Variants in MRO observed in about 807,000 individuals in gnomAD.
MRO encodes the protein protein maestro.
A neutral mutation model predicts 31.0 loss-of-function variants in MRO; 28 were observed. The ratio of observed to expected loss-of-function variants is 0.90; its 90% CI spans 0.67 to 1.24. The LOEUF (loss-of-function observed/expected upper bound fraction) is 1.24, where lower values mean the gene tolerates loss of function less well. Among genes scored for constraint, MRO ranks in the 50% most tolerant of loss-of-function variants. The probability of loss-of-function intolerance (pLI) is 0.00; values close to 1 mark genes in which losing one functional copy is unlikely to be tolerated. For missense variants in MRO, 332 were observed against 289.2 expected, an observed-to-expected ratio of 1.15 and a Z score of -1.07; for synonymous variants, 108 against 108.4, an observed-to-expected ratio of 1.00 and a Z score of 0.02.
At chr18:50,819,089 G>C (rs10853598) in intron 2 of MRO, among the ~76,000 whole-genome samples, 57,246 of 151,024 alleles carry the variant, frequency 0.38, 11,015 homozygotes, top group Admixed American at 0.51. Context: ...TAAAAAAATC[G>C]TCTTCATTTT....
At chr18:50,810,502 T>C (rs1914385896) in intron 2 of MRO, among the ~76,000 whole-genome samples, 1 of 152,144 alleles carries the variant, frequency 6.6e-6, no homozygotes, top group Non-Finnish European at 1.5e-5. Context: ...CAAGAAACAT[T>C]AAGAGAGATG....
chr18:50,819,438 A>G, intron 2 of MRO, 143 bp downstream of exon 2: 1 of 1,435,330 alleles, frequency 7.0e-7, no homozygotes, highest in Non-Finnish European at 9.1e-7. Context: ...TTTTACAAAG[A>G]GAACATTACC....
intron 2 of MRO, among the ~76,000 whole-genome samples, chr18:50,810,640 T>C (rs1330640457): frequency 1.3e-5 from 2 of 152,234 alleles, no homozygotes; most frequent in Admixed American, 6.5e-5. Context: ...TATACATAAA[T>C]GTAGCTTACC....
At position 50,818,425 on chromosome 18, in the gene MRO, C is replaced by T. The variant is rs185677951; in HGVS notation, c.-5+1156G>A. On this transcript the variant is annotated intron_variant, in intron 2 of 7. Transcript: ENST00000398439. ...AACATACCCCTGAGTGAGCTATGTG[C>T]AGACCCCTTGGTTTTCACGAACCCC... 1.0e-3 allele frequency among the ~76,000 whole-genome samples: 155 copies of T among 152,272 alleles called. 1 individual carries two copies. Among genetic ancestry groups the T allele is most frequent in the Non-Finnish European group, 7.4e-5 (5 of 68,010 alleles).
rs1344739867 is a variant in MRO at position 50,805,143 on chromosome 18, G to T, written c.429+11C>A. On this transcript the variant is annotated intron_variant, in intron 5 of 7. Transcript: ENST00000398439. ...GATTTCAATAACCCAGAATTTTTCT[G>T]ATTTACTTACGTCATCTAATAAAGT... is the stretch of plus-strand genomic sequence containing the variant. 6.2e-7 allele frequency: 1 copy of T among 1,604,328 alleles called. No homozygotes were observed.
chr18:50,805,042 C>T (rs1051760397), intron 5 of MRO, 112 bp downstream of exon 5: 14 of 821,592 alleles, frequency 1.7e-5, no homozygotes, highest in African/African-American at 1.0e-4. Context: ...CCACCCGCCT[C>T]GGCCTCCCAA....
Position 50,797,138 on chromosome 18 carries a change from G to A in MRO, c.*2199C>T, listed in dbSNP as rs1042092203. ...CAACTGACACAGGCTTGATGGAGAC[G>A]CTCGTCTCTTTTCCGTATGGTGTCA... is the stretch of plus-strand genomic sequence containing the variant. On this transcript the variant is annotated 3_prime_UTR_variant, in exon 8 of 8. Transcript: ENST00000398439. The A allele has an allele frequency of 3.9e-5, 6 of 152,164 alleles. No individual in the cohort carries two copies. The highest frequency in any genetic ancestry group is 7.2e-5 in the African/African-American group (3 of 41,434). The allele number at this position is 152,164 out of a possible 1,614,324, so 9.4% of individuals were successfully genotyped here.
intron 4 of MRO, 108 bp downstream of exon 4, chr18:50,806,596 T>A: frequency 1.5e-6 from 2 of 1,325,002 alleles, no homozygotes; most frequent in Non-Finnish European, 2.1e-6. Context: ...TGTTCCGGGG[T>A]GATAGATAAC....
At chr18:50,819,752 T>C in intron 1 of MRO, 50 bp from the exon 2 acceptor site, 1 of 1,548,388 alleles carries the variant, frequency 6.5e-7, no homozygotes, top group South Asian at 1.2e-5. Flanking sequence ...CTGTCCAGGA[T>C]AACGGGTCGG....
intron 5 of MRO, among the ~76,000 whole-genome samples, chr18:50,802,878 A>G (rs575496063): frequency 3.4e-5 from 5 of 148,164 alleles, no homozygotes; most frequent in Non-Finnish European, 7.4e-5. Flanking sequence ...TATTATCTTC[A>G]TGGCTCTATT....
At chr18:50,808,248 T>C (rs1232790066) in intron 3 of MRO, among the ~76,000 whole-genome samples, 3 of 152,024 alleles carry the variant, frequency 2.0e-5, no homozygotes, top group Non-Finnish European at 4.4e-5. Context: ...CAGCAACATG[T>C]GCTAGAGTCA....
At chr18:50,819,437 G>A (rs1915193577) in intron 2 of MRO, 144 bp downstream of exon 2, 1 of 1,434,534 alleles carries the variant, frequency 7.0e-7, no homozygotes, top group Non-Finnish European at 9.1e-7. Context: ...GTTTTACAAA[G>A]AGAACATTAC....
At chr18:50,821,383 G>A (rs1362293641), upstream of MRO, among the ~76,000 whole-genome samples, 2 of 152,200 alleles carry the variant, frequency 1.3e-5, no homozygotes, top group African/African-American at 4.8e-5. Flanking sequence ...GAATGGGCGA[G>A]TTCAATTCTT....
At chr18:50,820,033 C>A, upstream of MRO, 3 of 1,393,636 alleles carry the variant, frequency 2.2e-6, no homozygotes, top group Non-Finnish European at 3.0e-6. Context: ...CTTTCCTCTG[C>A]ACCAAACAAA....
At chr18:50,819,742 C>A (rs767741872) in intron 1 of MRO, 40 bp from the exon 2 acceptor site, 6 of 1,547,750 alleles carry the variant, frequency 3.9e-6, no homozygotes, top group Non-Finnish European at 5.2e-6. Context: ...GACGCAGGGT[C>A]TGTCCAGGAT....
upstream of MRO, chr18:50,823,530 A>G (rs1915388815): frequency 1.3e-5 from 2 of 152,150 alleles, no homozygotes; most frequent in African/African-American, 4.8e-5. Flanking sequence ...TGCAAGAAAA[A>G]ATTCAAGCTC....
At chr18:50,802,037 T>C (rs1763218703) in intron 5 of MRO, among the ~76,000 whole-genome samples, 1 of 152,240 alleles carries the variant, frequency 6.6e-6, no homozygotes, top group Non-Finnish European at 1.5e-5. Context: ...TGGAAGCACA[T>C]GCCACTGTTG....
intron 2 of MRO, chr18:50,815,336 G>T: frequency 3.7e-6 from 1 of 267,316 alleles, no homozygotes; most frequent in South Asian, 5.0e-5. Context: ...TTGCCGTGGT[G>T]GGAACTTTGG....
chr18:50,818,956 G>A (rs1468033347), intron 2 of MRO, among the ~76,000 whole-genome samples: 1 of 152,106 alleles, frequency 6.6e-6, no homozygotes, highest in Non-Finnish European at 1.5e-5. Context: ...AGGAGGCTGA[G>A]GCAGAAGAAT....
Sources: allele counts gnomAD v4.1 joint callset (sites outside exome capture counted in the v4.1 genomes callset), GRCh38; gene constraint gnomAD v4.1.1; transcripts MANE v1.5; gene names NCBI Gene and HGNC (gene_info 2026-07-23, HGNC 2026-07-21).